NADSYN1: variants seen among roughly 807,000 people sequenced by gnomAD.
NADSYN1 encodes glutamine-dependent NAD(+) synthetase.
In NADSYN1, 80 loss-of-function variants were observed where a neutral mutation model predicts 99.3. The ratio of observed to expected loss-of-function variants is 0.81; its 90% CI spans 0.67 to 0.97. NADSYN1 has a LOEUF of 0.97. Among genes scored for constraint, NADSYN1 ranks in the 50% least tolerant of loss-of-function variants. The probability of loss-of-function intolerance (pLI) is 0.00; values close to 1 mark genes in which losing one functional copy is unlikely to be tolerated. For synonymous variants in NADSYN1, 385 were observed against 372.1 expected, an observed-to-expected ratio of 1.03 and a Z score of -0.40; for missense variants, 859 against 948.5, an observed-to-expected ratio of 0.91 and a Z score of 1.24.
In NADSYN1 at chr11:71,481,289, G is replaced by A. The variant is rs1459055285; in HGVS notation, c.999-67G>A. Reference sequence around the variant, plus strand: ...ACTGCAGCCTCCTGGGGCCTGCTTGGGTGGGTTGTTGGGTGCTGTGGGCAG... The same window carrying A: ...ACTGCAGCCTCCTGGGGCCTGCTTGAGTGGGTTGTTGGGTGCTGTGGGCAG... On this transcript the variant is annotated intron_variant, in intron 11 of 20. Transcript: ENST00000319023. 4 of 1,538,430 alleles carry A rather than the reference G, an allele frequency of 2.6e-6. No individual in the cohort carries two copies. In the African/African-American group the frequency reaches 5.5e-5, roughly 21 times the overall value.
Position 71,463,437 on chromosome 11 carries a change from TA to T in NADSYN1, c.271del (p.Met91CysfsTer11), listed in dbSNP as rs1376159616. The T allele has an allele frequency of 1.9e-6, 3 of 1,613,818 alleles. No homozygotes were observed. The highest frequency in any genetic ancestry group is 4.5e-5 in the East Asian group (2 of 44,854). On this transcript the variant is annotated frameshift_variant, in exon 4 of 21. Coordinates refer to ENST00000319023, the MANE Select transcript of NADSYN1 (RefSeq NM_018161.5). LOFTEE classifies it high-confidence loss of function. The stretch of plus-strand genomic sequence containing the variant: ...ACCTCCCCTCTCTCCTGCAGGCCTG[TA>T]ATGCACCGAAACGTCCGCTACAACT... ...QDIICDVGMP[V>X]MHRNVRYNCR...
chr11:71,480,702 C>T, intron 10 of NADSYN1, 53 bp from the exon 11 acceptor site: 1 of 1,612,552 alleles, frequency 6.2e-7, no homozygotes, highest in Non-Finnish European at 8.5e-7. Flanking sequence ...CCTGGGGACC[C>T]AGAGGGTTTC....
chr11:71,462,462 C>T (rs1018660467), intron 3 of NADSYN1, among the ~76,000 whole-genome samples: 4 of 152,154 alleles, frequency 2.6e-5, no homozygotes, highest in East Asian at 1.9e-4. Flanking sequence ...CTTTCCAGTT[C>T]GAGCAGTGCC....
intron 20 of NADSYN1, chr11:71,499,208 A>G (rs2120531715): frequency 6.6e-6 from 1 of 152,348 alleles, no homozygotes; most frequent in Non-Finnish European, 1.5e-5. Context: ...GCTCAGGCTG[A>G]TTCCACAGCT....
intron 14 of NADSYN1, 142 bp from the exon 15 acceptor site, chr11:71,484,170 G>A (rs1949726799): frequency 2.4e-6 from 3 of 1,266,828 alleles, no homozygotes; most frequent in African/African-American, 3.0e-5. Flanking sequence ...GCGCAGCACT[G>A]TGGATTGCTA....
intron 14 of NADSYN1, among the ~76,000 whole-genome samples, 156 bp downstream of exon 14, chr11:71,483,173 G>A (rs999266444): frequency 2.6e-5 from 4 of 152,114 alleles, no homozygotes; most frequent in Non-Finnish European, 5.9e-5. Context: ...ATCCCTTTTT[G>A]TGGGTGAATA....
chr11:71,479,603 T>G (rs950515669), intron 10 of NADSYN1: 2 of 152,254 alleles, frequency 1.3e-5, no homozygotes, highest in African/African-American at 4.8e-5. Flanking sequence ...CTGTCTGTCT[T>G]CATGGATTTG....
intron 10 of NADSYN1, 45 bp downstream of exon 10, chr11:71,478,514 G>A (rs747966965): frequency 3.6e-5 from 56 of 1,535,058 alleles, no homozygotes; most frequent in South Asian, 4.7e-5. Flanking sequence ...CATCAAAGAC[G>A]TGGAAAGTGG....
intron 5 of NADSYN1, 146 bp downstream of exon 5, chr11:71,464,288 G>A: frequency 3.0e-6 from 2 of 662,380 alleles, no homozygotes; most frequent in Admixed American, 5.8e-5. Flanking sequence ...AAAGCACAAA[G>A]AAAGCCAAAA....
chr11:71,493,114 G>A (rs111650553), intron 18 of NADSYN1, among the ~76,000 whole-genome samples: 12,667 of 152,026 alleles, frequency 0.083, 633 homozygotes, highest in African/African-American at 0.14. Context: ...ATGAGGCCTC[G>A]GACTCCTGGC....
intron 5 of NADSYN1, among the ~76,000 whole-genome samples, chr11:71,465,974 TTTGTTGGC>T (rs1319520991): frequency 1.6e-4 from 25 of 152,296 alleles, no homozygotes; most frequent in Non-Finnish European, 2.5e-4. Context: ...TTTCTTAACT[TTTGTTGGC>T]CAGCATTTCT....
Position 71,501,513 on chromosome 11 carries a change from G to A in NADSYN1, c.*161G>A. On this transcript the variant is annotated 3_prime_UTR_variant, in exon 21 of 21. Transcript: ENST00000319023. Reference sequence around the variant, plus strand: ...TTTCAGTCAAATTCCTCAAAAAGAGGCTGGAATAAAGCCTGGGCTTAAAAA... The same window carrying A: ...TTTCAGTCAAATTCCTCAAAAAGAGACTGGAATAAAGCCTGGGCTTAAAAA... The A allele has an allele frequency of 3.1e-6, 2 of 639,212 alleles. No individual in the cohort carries two copies. Among genetic ancestry groups the A allele is most frequent in the East Asian group, 2.9e-5 (1 of 34,242 alleles). The allele number at this position is 639,212 out of a possible 1,614,324, so 39.6% of individuals were successfully genotyped here.
At chr11:71,458,328 C>T in intron 2 of NADSYN1, 100 bp from the exon 3 acceptor site, 2 of 851,558 alleles carry the variant, frequency 2.3e-6, no homozygotes, top group South Asian at 1.5e-5. Flanking sequence ...CACCTGAGCC[C>T]CGGCCCCCAG....
intron 4 of NADSYN1, 141 bp downstream of exon 4, chr11:71,463,626 C>T (rs1006863713): frequency 1.3e-6 from 1 of 740,852 alleles, no homozygotes; most frequent in Non-Finnish European, 2.2e-6. Flanking sequence ...TTAGTGAGGG[C>T]CGATGCACCA....
At position 71,481,950 on chromosome 11, in the gene NADSYN1, G is replaced by A. The variant is rs766236404; in HGVS notation, c.1075G>A (p.Gly359Arg). ...QAGFLLPLSGGVDSAATACLI... is the reference protein window; with the variant it reads ...QAGFLLPLSGRVDSAATACLI... ...AGGGTTTTTGCTGCCCTTGAGTGGCGGGGTGGACAGCGCAGCCACCGCCTG... is the reference window on the plus strand; with the variant it reads ...AGGGTTTTTGCTGCCCTTGAGTGGCAGGGTGGACAGCGCAGCCACCGCCTG... The change falls in exon 13 of 21, where the codon GGG becomes AGG. Residue 359 changes from glycine (G) to arginine (R), a missense_variant. Gly to Arg is a moderately radical substitution (Grantham distance 125, BLOSUM62 -2). Transcript: ENST00000319023. 7 of 1,609,368 alleles carry A rather than the reference G, an allele frequency of 4.3e-6. No homozygotes were observed. The highest frequency in any genetic ancestry group is 4.0e-5 in the African/African-American group (3 of 74,800).
At chr11:71,488,085 A>T (rs1324512868) in intron 16 of NADSYN1, among the ~76,000 whole-genome samples, 1 of 152,008 alleles carries the variant, frequency 6.6e-6, no homozygotes, top group Non-Finnish European at 1.5e-5. Context: ...TGATTTTTTT[A>T]AATTTCCCTG....
At chr11:71,461,670 G>T (rs573763788) in intron 3 of NADSYN1, among the ~76,000 whole-genome samples, 1 of 152,014 alleles carries the variant, frequency 6.6e-6, no homozygotes, top group African/African-American at 2.4e-5. Context: ...CTTGTGATCC[G>T]CCTGCCTCAG....
intron 2 of NADSYN1, among the ~76,000 whole-genome samples, chr11:71,456,774 A>T (rs1792316): frequency 2.6e-5 from 4 of 152,168 alleles, no homozygotes; most frequent in South Asian, 2.1e-4. Flanking sequence ...CAGGTCTCCA[A>T]GTAGCTTACA....
intron 1 of NADSYN1, 134 bp from the exon 2 acceptor site, chr11:71,454,976 G>A: frequency 3.0e-6 from 2 of 668,034 alleles, no homozygotes; most frequent in Non-Finnish European, 2.6e-6. Flanking sequence ...CATCCCGTCT[G>A]GGAAGGCACA....
Sources: allele counts gnomAD v4.1 joint callset (sites outside exome capture counted in the v4.1 genomes callset), GRCh38; gene constraint gnomAD v4.1.1; transcripts MANE v1.5; gene names NCBI Gene and HGNC (gene_info 2026-07-23, HGNC 2026-07-21).